DCDC1: variants seen among roughly 807,000 people sequenced by gnomAD.
DCDC1 encodes doublecortin domain-containing protein 1.
A neutral mutation model predicts 178.3 loss-of-function variants in DCDC1; 200 were observed. The observed-to-expected ratio is 1.12, with a 90% confidence interval of 1.00 to 1.26. The LOEUF is 1.26. Ranked by LOEUF, DCDC1 falls within the 50% of genes most tolerant of loss-of-function variation. The pLI, the probability that DCDC1 is intolerant of heterozygous loss-of-function variation, is 0.00. For synonymous variants in DCDC1, 690 were observed against 604.8 expected (o/e 1.14, Z -2.07); for missense variants, 1,983 against 1,749.2 (o/e 1.13, Z -2.38).
chr11:31,328,165 C>G lies in DCDC1; in HGVS notation c.116G>C (p.Gly39Ala). The G allele has an allele frequency of 1.2e-6, 2 of 1,612,058 alleles. No homozygotes were observed. The highest frequency in any genetic ancestry group is 1.7e-6 in the Non-Finnish European group (2 of 1,178,750). The change falls in exon 3 of 39, where the codon GGG (glycine) becomes GCG (alanine). Residue 39 changes from glycine (G) to alanine (A), a missense_variant. Coordinates refer to ENST00000684477, the MANE Select transcript of DCDC1 (RefSeq NM_001387274.1). ...QQSSPEGTLD[G>A]NTVNPIYKYI... Reference sequence around the variant, plus strand: ...TTTGTAAATTGGGTTTACAGTATTCCCATCCAAAGTGCCTTCAGGGCTACT... The same window carrying G: ...TTTGTAAATTGGGTTTACAGTATTCGCATCCAAAGTGCCTTCAGGGCTACT...
chr11:31,012,607 C>CAA (rs780824791), intron 20 of DCDC1, among the ~76,000 whole-genome samples: 9 of 74,596 alleles, frequency 1.2e-4, no homozygotes, highest in African/African-American at 3.3e-4. Context: ...CCTGTCTCAA[C>CAA]AAAAAAAAAA....
intron 33 of DCDC1, among the ~76,000 whole-genome samples, chr11:30,900,037 C>T (rs1944546535): frequency 6.6e-6 from 1 of 152,044 alleles, no homozygotes; most frequent in African/African-American, 2.4e-5. Context: ...GTGAATTAAA[C>T]TCATTTGTTA....
At chr11:31,363,481 GCTCATTAATAAAGT>G (rs1310194366) in intron 1 of DCDC1, among the ~76,000 whole-genome samples, 1 of 152,080 alleles carries the variant, frequency 6.6e-6, no homozygotes, top group East Asian at 1.9e-4. Flanking sequence ...AAAAGATGAG[GCTCATTAATAAAGT>G]CAAACTTCTA....
chr11:31,116,907 G>C (rs970972293), intron 11 of DCDC1, among the ~76,000 whole-genome samples: 1 of 151,958 alleles, frequency 6.6e-6, no homozygotes, highest in Non-Finnish European at 1.5e-5. Context: ...GCATACCAAA[G>C]AAGATAACTT....
intron 7 of DCDC1, among the ~76,000 whole-genome samples, chr11:31,275,364 A>G (rs911708993): frequency 6.6e-6 from 1 of 152,162 alleles, no homozygotes; most frequent in African/African-American, 2.4e-5. Flanking sequence ...TCACATGTGT[A>G]GTAACACTGT....
At chr11:31,356,763 T>C (rs566517687) in intron 1 of DCDC1, among the ~76,000 whole-genome samples, 1,914 of 149,082 alleles carry the variant, frequency 0.013, 24 homozygotes, top group African/African-American at 0.045. Flanking sequence ...ATATCACCAC[T>C]GATCCCACAG....
intron 8 of DCDC1, among the ~76,000 whole-genome samples, chr11:31,264,862 C>G (rs1945036501): frequency 6.6e-6 from 1 of 152,130 alleles, no homozygotes; most frequent in East Asian, 1.9e-4. Flanking sequence ...ATACTTTATT[C>G]AGTGAGTTAA....
At chr11:31,240,105 T>G (rs1265631902) in intron 9 of DCDC1, among the ~76,000 whole-genome samples, 1 of 151,918 alleles carries the variant, frequency 6.6e-6, no homozygotes, top group African/African-American at 2.4e-5. Flanking sequence ...AATTTTAAAT[T>G]TCAATAAGTG....
intron 7 of DCDC1, among the ~76,000 whole-genome samples, chr11:31,274,699 CTTTT>C (rs72501499): frequency 1.5e-5 from 2 of 132,070 alleles, no homozygotes; most frequent in East Asian, 2.4e-4. Context: ...TCACAAATGT[CTTTT>C]TTTTTTTTTT....
intron 9 of DCDC1, among the ~76,000 whole-genome samples, chr11:31,186,177 T>C (rs1175228665): frequency 6.6e-6 from 1 of 152,144 alleles, no homozygotes; most frequent in Non-Finnish European, 1.5e-5. Flanking sequence ...ACTGGCTTCA[T>C]GTGACCTGGC....
chr11:31,048,720 G>T (rs745318550), intron 20 of DCDC1, among the ~76,000 whole-genome samples: 1 of 152,120 alleles, frequency 6.6e-6, no homozygotes, highest in Non-Finnish European at 1.5e-5. Context: ...AGCCAGACGT[G>T]GTGGCAGGCG....
intron 20 of DCDC1, among the ~76,000 whole-genome samples, chr11:31,012,583 T>C (rs1026489689): frequency 1.4e-5 from 2 of 145,452 alleles, no homozygotes; most frequent in African/African-American, 5.1e-5. Flanking sequence ...CCGGCCTGGG[T>C]GATACAGCAA....
intron 36 of DCDC1, among the ~76,000 whole-genome samples, chr11:30,891,098 A>G (rs1943734861): frequency 6.6e-6 from 1 of 152,214 alleles, no homozygotes; most frequent in Non-Finnish European, 1.5e-5. Flanking sequence ...ATTCCCAAGT[A>G]AACCTTGGAT....
chr11:30,979,189 T>G (rs181181495), intron 20 of DCDC1, among the ~76,000 whole-genome samples: 2 of 152,160 alleles, frequency 1.3e-5, no homozygotes, highest in Admixed American at 1.3e-4. Flanking sequence ...AAATAGCAAG[T>G]ACATCATCAC....
intron 20 of DCDC1, among the ~76,000 whole-genome samples, chr11:30,971,229 CAT>C: frequency 6.6e-6 from 1 of 151,988 alleles, no homozygotes; most frequent in East Asian, 1.9e-4. Flanking sequence ...ATATCAATAA[CAT>C]AAAGACACAC....
intron 38 of DCDC1, 142 bp downstream of exon 38, chr11:30,878,402 T>G: frequency 1.4e-6 from 1 of 723,338 alleles, no homozygotes; most frequent in Non-Finnish European, 2.0e-6. Flanking sequence ...TGCAGTAAGC[T>G]GTGATTGTGC....
chr11:31,023,110 C>A (rs945021700), intron 20 of DCDC1, among the ~76,000 whole-genome samples: 1 of 152,054 alleles, frequency 6.6e-6, no homozygotes, highest in African/African-American at 2.4e-5. Flanking sequence ...TCCCAAGAAT[C>A]GAGGTAATTG....
intron 9 of DCDC1, chr11:31,215,126 G>A: frequency 4.0e-6 from 1 of 249,664 alleles, no homozygotes; most frequent in Non-Finnish European, 8.1e-6. Flanking sequence ...AAACATGTGT[G>A]AACAACTAAA....
intron 20 of DCDC1, among the ~76,000 whole-genome samples, chr11:30,971,255 C>T (rs996506110): frequency 1.3e-5 from 2 of 151,992 alleles, no homozygotes; most frequent in Non-Finnish European, 2.9e-5. Flanking sequence ...AAAAAAAGAA[C>T]AATCAAGAAA....
Sources: gnomAD v4.1 joint callset for allele counts (sites outside exome capture counted in the v4.1 genomes callset) on GRCh38, gnomAD v4.1.1 for gene constraint, MANE v1.5 for transcripts, NCBI Gene and HGNC (gene_info 2026-07-23, HGNC 2026-07-21) for gene names.